Variants in THSD7A observed in about 807,000 individuals in gnomAD.
THSD7A encodes thrombospondin type-1 domain-containing protein 7A.
In THSD7A, 96 loss-of-function variants were observed where a neutral mutation model predicts 231.3. The observed-to-expected ratio is 0.41, with a 90% CI of 0.35 to 0.49. THSD7A has a LOEUF of 0.49. THSD7A is among the 20% of genes least tolerant of loss of function. THSD7A has a pLI of 0.05. For missense variants in THSD7A, 2,290 were observed against 2,070.2 expected, an observed-to-expected ratio of 1.11 and a Z score of -2.06; for synonymous variants, 940 against 743.3, an observed-to-expected ratio of 1.26 and a Z score of -4.30.
chr7:11,432,823 G>T (rs568432036), intron 13 of THSD7A, among the ~76,000 whole-genome samples: 35 of 151,994 alleles, frequency 2.3e-4, no homozygotes, highest in South Asian at 6.2e-4. Context: ...TCTGTTTGGT[G>T]TACTCCTAGG....
chr7:11,541,533 C>T lies in THSD7A; in HGVS notation c.1708G>A (p.Glu570Lys), dbSNP rs758251666. ...PHLLEAIPCE[E>K]PACYDWKAVR... ...GCTTTCCAGTCATAACAGGCAGGCT[C>T]TTCACAGGGAATGGCTTCCAGTAAG... Residue 570 changes from glutamate (E) to lysine (K), a missense_variant, in exon 6 of 28, where the codon GAG (glutamate) becomes AAG (lysine). Transcript: ENST00000423059. The T allele has an allele frequency of 1.2e-6, 2 of 1,613,962 alleles. No individual in the cohort carries two copies. Among genetic ancestry groups the T allele is most frequent in the Admixed American group, 1.7e-5 (1 of 59,994 alleles).
At chr7:11,397,524 C>G (rs2115347072) in intron 23 of THSD7A, among the ~76,000 whole-genome samples, 1 of 152,260 alleles carries the variant, frequency 6.6e-6, no homozygotes, top group Non-Finnish European at 1.5e-5. Context: ...GACTAAAACA[C>G]CAAAAGCAAT....
intron 1 of THSD7A, among the ~76,000 whole-genome samples, chr7:11,665,377 C>G (rs1054908757): frequency 6.6e-6 from 1 of 152,006 alleles, no homozygotes; most frequent in Admixed American, 6.6e-5. Context: ...ACGAGTAGAA[C>G]TAATAAGTGG....
At chr7:11,466,103 T>C (rs2128299686) in intron 9 of THSD7A, among the ~76,000 whole-genome samples, 1 of 152,264 alleles carries the variant, frequency 6.6e-6, no homozygotes, top group Middle Eastern at 3.4e-3. Context: ...TGTGCAATAG[T>C]ATTGTGTATT....
chr7:11,783,627 T>C (rs1783699543), intron 1 of THSD7A, among the ~76,000 whole-genome samples: 1 of 152,116 alleles, frequency 6.6e-6, no homozygotes, highest in Non-Finnish European at 1.5e-5. Flanking sequence ...AAAACCTTCT[T>C]CAGTGGCCAG....
intron 1 of THSD7A, among the ~76,000 whole-genome samples, chr7:11,702,481 T>A (rs1780636155): frequency 6.6e-6 from 1 of 151,264 alleles, no homozygotes; most frequent in South Asian, 2.1e-4. Flanking sequence ...ATGGTTTAAA[T>A]TTCTGATATC....
chr7:11,748,845 C>T (rs146932171), intron 1 of THSD7A, among the ~76,000 whole-genome samples: 165 of 151,978 alleles, frequency 1.1e-3, no homozygotes, highest in African/African-American at 3.8e-3. Flanking sequence ...TCTTTGGAGT[C>T]GCACGTTGTT....
At chr7:11,570,937 C>A (rs1444144591) in intron 4 of THSD7A, among the ~76,000 whole-genome samples, 2 of 152,120 alleles carry the variant, frequency 1.3e-5, no homozygotes, top group Non-Finnish European at 2.9e-5. Flanking sequence ...CCATTTAATT[C>A]TTGTATTCTT....
At chr7:11,392,116 T>C (rs1406652008) in intron 23 of THSD7A, among the ~76,000 whole-genome samples, 1 of 151,918 alleles carries the variant, frequency 6.6e-6, no homozygotes, top group Non-Finnish European at 1.5e-5. Flanking sequence ...GATGGCCAAA[T>C]AGGAACAGTG....
chr7:11,542,970 C>T lies in THSD7A; in HGVS notation c.1601G>A (p.Gly534Glu), dbSNP rs1342647207. The change falls in exon 5 of 28, where the codon GGG (glycine) becomes GAG (glutamate). Residue 534 changes from glycine to glutamate, a missense_variant. Gly to Glu is a moderately conservative substitution (Grantham distance 98, BLOSUM62 -2). Transcript: ENST00000423059. ...CTYENCNDQQGKKGFKLRKRR... is the reference protein window; with the variant it reads ...CTYENCNDQQEKKGFKLRKRR... Reference sequence around the variant, plus strand: ...ATGGTCACGTTACCTACCTTTTTTCCCTTGCTGATCATTACAGTTTTCATA... The same window carrying T: ...ATGGTCACGTTACCTACCTTTTTTCTCTTGCTGATCATTACAGTTTTCATA... The T allele has an allele frequency of 2.5e-6, 4 of 1,610,152 alleles. No homozygotes were observed. The highest frequency in any genetic ancestry group is 1.7e-5 in the Admixed American group (1 of 59,206).
At chr7:11,689,249 A>C (rs1454720051) in intron 1 of THSD7A, among the ~76,000 whole-genome samples, 3 of 151,896 alleles carry the variant, frequency 2.0e-5, no homozygotes, top group African/African-American at 7.2e-5. Context: ...CTATTATGTA[A>C]GGTCAAAGCA....
intron 8 of THSD7A, among the ~76,000 whole-genome samples, chr7:11,473,494 A>G (rs1392345577): frequency 1.3e-5 from 2 of 152,190 alleles, no homozygotes; most frequent in Non-Finnish European, 2.9e-5. Flanking sequence ...CCATGCAAAA[A>G]TCGACTCATT....
intron 6 of THSD7A, among the ~76,000 whole-genome samples, chr7:11,508,868 C>A (rs142703847): frequency 5.5e-4 from 83 of 152,260 alleles, no homozygotes; most frequent in African/African-American, 1.7e-3. Flanking sequence ...CACGATTCCA[C>A]TTATATGAGA....
rs769522069 is a variant in THSD7A at position 11,379,674 on chromosome 7, A to C, written c.4546T>G (p.Ser1516Ala). The change falls in exon 25 of 28, where the codon TCT (serine) becomes GCT (alanine). Residue 1516 changes from serine (S) to alanine (A), a missense_variant. Coordinates refer to ENST00000423059, the MANE Select transcript of THSD7A (RefSeq NM_015204.3). ...LVMSQPDADRSCNPPCSQPHS... is the reference protein window; with the variant it reads ...LVMSQPDADRACNPPCSQPHS... The stretch of plus-strand genomic sequence containing the variant: ...GGTTGACTACACGGTGGGTTACAAG[A>C]CCTGTCGGCATCAGGCTGGCTCATC... 1 of 1,593,746 alleles carries C rather than the reference A, an allele frequency of 6.3e-7. No homozygotes were observed. Among genetic ancestry groups the C allele is most frequent in the Non-Finnish European group, 8.6e-7 (1 of 1,169,402 alleles).
rs114614170 is a variant in THSD7A, at chr7:11,794,968, A to G, written c.190+36789T>C. 4.2e-3 allele frequency among the ~76,000 whole-genome samples: 639 copies of G among 152,136 alleles called. 9 individuals are homozygous for G. The highest frequency in any genetic ancestry group is 0.014 in the African/African-American group (562 of 41,544). ...ATAAATTATATACTTTATAAATACT[A>G]TCATTGGCTTTTGGAGTTTTTGTCC... is the stretch of plus-strand genomic sequence containing the variant. On this transcript the variant is annotated intron_variant, in intron 1 of 27. Coordinates refer to ENST00000423059, the MANE Select transcript of THSD7A (RefSeq NM_015204.3).
intron 7 of THSD7A, among the ~76,000 whole-genome samples, chr7:11,480,617 A>T (rs1275071022): frequency 6.6e-6 from 1 of 152,134 alleles, no homozygotes; most frequent in Non-Finnish European, 1.5e-5. Context: ...TGGTAGGAAA[A>T]AGTTTTTGAA....
At chr7:11,449,130 A>G (rs1369281369) in intron 11 of THSD7A, among the ~76,000 whole-genome samples, 1 of 151,816 alleles carries the variant, frequency 6.6e-6, no homozygotes, top group African/African-American at 2.4e-5. Flanking sequence ...CCCTTACTAA[A>G]CTCTAATGCT....
intron 1 of THSD7A, among the ~76,000 whole-genome samples, chr7:11,681,329 A>T (rs913928154): frequency 6.6e-5 from 10 of 152,102 alleles, no homozygotes; most frequent in African/African-American, 2.4e-4. Context: ...TGGGCAATGT[A>T]TACCTACGTA....
chr7:11,693,721 T>C (rs1041761036), intron 1 of THSD7A, among the ~76,000 whole-genome samples: 1 of 151,618 alleles, frequency 6.6e-6, no homozygotes, highest in East Asian at 2.0e-4. Flanking sequence ...AATCATAGTG[T>C]CACTGCTGGA....
Sources: allele counts gnomAD v4.1 joint callset (sites outside exome capture counted in the v4.1 genomes callset), GRCh38; gene constraint gnomAD v4.1.1; transcripts MANE v1.5; gene names NCBI Gene and HGNC (gene_info 2026-07-23, HGNC 2026-07-21).